The following HCRTR2 variants were observed in gnomAD, a reference collection of about 807,000 sequenced individuals.
HCRTR2 encodes the protein hypocretin receptor 2.
Under a neutral mutation model 49.0 loss-of-function variants are expected in HCRTR2, and 22 were observed. That is an observed-to-expected ratio of 0.45 (90% confidence interval 0.32 to 0.64). HCRTR2 has a LOEUF of 0.64. Among genes scored for constraint, HCRTR2 ranks in the 30% least tolerant of loss-of-function variants. The pLI is 0.04. For synonymous variants in HCRTR2, 236 were observed against 205.3 expected (o/e 1.15, Z -1.28); for missense variants, 491 against 559.4 (o/e 0.88, Z 1.23).
At chr6:55,115,231 C>A (rs779463165) in intron 1 of HCRTR2, among the ~76,000 whole-genome samples, 5 of 151,810 alleles carry the variant, frequency 3.3e-5, no homozygotes, top group Middle Eastern at 3.4e-3. Flanking sequence ...AGTTCTCCAA[C>A]CTACTTATTC....
chr6:55,212,288 A>T (rs956053382), intron 1 of HCRTR2, among the ~76,000 whole-genome samples: 1 of 152,180 alleles, frequency 6.6e-6, no homozygotes, highest in Non-Finnish European at 1.5e-5. Flanking sequence ...TCCAAAGTAA[A>T]CATGGTTAGA....
At chr6:55,107,872 A>G (rs1033667697) in intron 1 of HCRTR2, among the ~76,000 whole-genome samples, 2 of 152,138 alleles carry the variant, frequency 1.3e-5, no homozygotes, top group Admixed American at 6.6e-5. Flanking sequence ...TGCTATGACT[A>G]TTGTAATACT....
upstream of HCRTR2, among the ~76,000 whole-genome samples, chr6:55,173,814 A>C (rs1191634227): frequency 6.6e-6 from 1 of 152,214 alleles, no homozygotes; most frequent in African/African-American, 2.4e-5. Context: ...AAACAGTCTC[A>C]TTCTCAAATT....
intron 1 of HCRTR2, among the ~76,000 whole-genome samples, chr6:55,108,053 C>A (rs943117603): frequency 6.6e-6 from 1 of 151,968 alleles, no homozygotes; most frequent in African/African-American, 2.4e-5. Context: ...TTATTATTAT[C>A]AATAAATTCA....
At chr6:55,214,916 T>A (rs367752358) in intron 1 of HCRTR2, among the ~76,000 whole-genome samples, 1 of 151,574 alleles carries the variant, frequency 6.6e-6, no homozygotes, top group African/African-American at 2.4e-5. Context: ...AAAAGAAGAC[T>A]AAAAAAGAGT....
At chr6:55,110,889 A>G (rs1764039884) in intron 1 of HCRTR2, among the ~76,000 whole-genome samples, 1 of 152,136 alleles carries the variant, frequency 6.6e-6, no homozygotes. Context: ...ACAGACATTT[A>G]CAGAACATCC....
chr6:55,153,059 A>C (rs1379704686), intron 1 of HCRTR2, among the ~76,000 whole-genome samples: 1 of 151,860 alleles, frequency 6.6e-6, no homozygotes, highest in African/African-American at 2.4e-5. Context: ...GTGAGTTGAT[A>C]TTTATGTGTG....
chr6:55,234,281 T>C (rs1372269567), intron 1 of HCRTR2, among the ~76,000 whole-genome samples: 1 of 152,098 alleles, frequency 6.6e-6, no homozygotes, highest in Non-Finnish European at 1.5e-5. Flanking sequence ...TCAGCAACCA[T>C]TGAGAATCTA....
At chr6:55,116,862 A>G (rs995821502) in intron 1 of HCRTR2, among the ~76,000 whole-genome samples, 2 of 151,730 alleles carry the variant, frequency 1.3e-5, no homozygotes, top group African/African-American at 4.8e-5. Context: ...TTTGTGGTAA[A>G]AGGAAAGTGT....
chr6:55,282,296 C>T lies in HCRTR2; in HGVS notation c.1177C>T (p.Arg393Trp), dbSNP rs201301558. The T allele has an allele frequency of 4.3e-6, 7 of 1,613,844 alleles. No individual in the cohort carries two copies. The highest frequency in any genetic ancestry group is 3.3e-5 in the Admixed American group (2 of 59,896). The change falls in exon 7 of 7, where the codon CGG (arginine) becomes TGG (tryptophan). Residue 393 changes from arginine to tryptophan, a missense_variant. Arg to Trp is a moderately radical substitution (Grantham distance 101). Coordinates refer to ENST00000370862, the MANE Select transcript of HCRTR2 (RefSeq NM_001384272.1). The part of the protein sequence containing the change: ...CLGVHHRQED[R>W]LTRGRTSTES... The stretch of plus-strand genomic sequence containing the variant: ...TGGAGTTCACCATCGCCAGGAGGAT[C>T]GGCTCACCAGGGGACGAACTAGCAC...
intron 2 of HCRTR2, among the ~76,000 whole-genome samples, chr6:55,253,920 C>A (rs1219637093): frequency 1.3e-5 from 2 of 151,982 alleles, no homozygotes; most frequent in Non-Finnish European, 2.9e-5. Context: ...GAAAAATAAC[C>A]AGTGGATACT....
intron 1 of HCRTR2, among the ~76,000 whole-genome samples, chr6:55,159,754 T>G (rs764045431): frequency 2.6e-5 from 4 of 152,092 alleles, no homozygotes; most frequent in Non-Finnish European, 5.9e-5. Context: ...GAAGATCAAC[T>G]TAATGAAATA....
chr6:55,222,175 G>A (rs1765910547), intron 1 of HCRTR2, among the ~76,000 whole-genome samples: 1 of 151,974 alleles, frequency 6.6e-6, no homozygotes, highest in Non-Finnish European at 1.5e-5. Flanking sequence ...CAAAGAAGAT[G>A]TAAAAACAGC....
rs372246498 is a variant in HCRTR2, at chr6:55,122,292, G to A, written c.-378+15747G>A. Among the ~76,000 whole-genome samples, 5 of 152,256 alleles carry A rather than the reference G, an allele frequency of 3.3e-5. No individual in the cohort carries two copies. The South Asian group carries it at 8.3e-4, about 25-fold the overall frequency. On this transcript the variant is annotated intron_variant, in intron 1 of 7. Transcript: ENST00000615358. Reference sequence around the variant, plus strand: ...TTCTCTGATGGTAGTTTGTATTTCTGTGGAATCAGTGGTGATATCCCCTTT... The same window carrying A: ...TTCTCTGATGGTAGTTTGTATTTCTATGGAATCAGTGGTGATATCCCCTTT...
At chr6:55,202,793 A>G (rs1325616334) in intron 1 of HCRTR2, among the ~76,000 whole-genome samples, 2 of 152,010 alleles carry the variant, frequency 1.3e-5, no homozygotes, top group Non-Finnish European at 2.9e-5. Context: ...CATTCAATCT[A>G]TAGCAATGCC....
At chr6:55,162,006 C>A (rs1351904306) in intron 1 of HCRTR2, among the ~76,000 whole-genome samples, 2 of 152,074 alleles carry the variant, frequency 1.3e-5, no homozygotes, top group Non-Finnish European at 2.9e-5. Flanking sequence ...ATCCTGATAC[C>A]AAAACCTGGC....
intron 4 of HCRTR2, among the ~76,000 whole-genome samples, chr6:55,271,583 A>T (rs1388432442): frequency 2.0e-5 from 3 of 152,150 alleles, no homozygotes. Flanking sequence ...ACCATTAAAA[A>T]CGTTAAAAGT....
At chr6:55,241,466 A>AT (rs944140137) in intron 1 of HCRTR2, among the ~76,000 whole-genome samples, 9 of 152,114 alleles carry the variant, frequency 5.9e-5, no homozygotes, top group African/African-American at 2.2e-4. Context: ...TTCCTGATAT[A>AT]TTTTTTATGT....
chr6:55,144,812 C>T (rs1020518600), intron 1 of HCRTR2, among the ~76,000 whole-genome samples: 1 of 152,076 alleles, frequency 6.6e-6, no homozygotes, highest in African/African-American at 2.4e-5. Context: ...GCATTAGTGG[C>T]TTCCAAATCC....
Sources: allele counts gnomAD v4.1 joint callset (sites outside exome capture counted in the v4.1 genomes callset), GRCh38; gene constraint gnomAD v4.1.1; transcripts MANE v1.5; gene names NCBI Gene and HGNC (gene_info 2026-07-23, HGNC 2026-07-21).